The following FAM151B variants were observed in gnomAD, a reference collection of about 807,000 sequenced individuals.
FAM151B encodes the protein protein FAM151B.
Under a neutral mutation model 31.2 loss-of-function variants are expected in FAM151B, and 24 were observed. The ratio of observed to expected loss-of-function variants is 0.77; its 90% CI spans 0.56 to 1.08. The LOEUF is 1.08. Among genes scored for constraint, FAM151B ranks in the 50% least tolerant of loss-of-function variants. FAM151B has a pLI of 0.00. For missense variants in FAM151B, 293 were observed against 328.6 expected (o/e 0.89, Z 0.84); for synonymous variants, 105 against 111.4 (o/e 0.94, Z 0.36).
intron 1 of FAM151B, among the ~76,000 whole-genome samples, chr5:80,490,501 G>A (rs1352938883): frequency 6.6e-6 from 1 of 152,160 alleles, no homozygotes; most frequent in African/African-American, 2.4e-5. Context: ...CTTATTCACA[G>A]ACTTGTGCAA....
intron 1 of FAM151B, chr5:80,500,824 C>T (rs1010697809): frequency 1.6e-5 from 24 of 1,461,270 alleles, no homozygotes; most frequent in Middle Eastern, 2.2e-4. Context: ...CAATAAGAAG[C>T]GAATTGCTTT....
chr5:80,488,533 A>G (rs1219147549), intron 1 of FAM151B, among the ~76,000 whole-genome samples: 1 of 152,218 alleles, frequency 6.6e-6, no homozygotes, highest in Non-Finnish European at 1.5e-5. Context: ...GGGAATGCGG[A>G]CTGGGCCGGG....
At chr5:80,489,709 G>A (rs973814015) in intron 1 of FAM151B, among the ~76,000 whole-genome samples, 4 of 152,296 alleles carry the variant, frequency 2.6e-5, no homozygotes, top group African/African-American at 9.6e-5. Context: ...CGGATCACGA[G>A]GTCAGGAGAT....
chr5:80,488,610 C>A (rs1743201333), intron 1 of FAM151B, among the ~76,000 whole-genome samples: 1 of 152,204 alleles, frequency 6.6e-6, no homozygotes. Context: ...TCGCTTGATT[C>A]CCCTTGGAAT....
At chr5:80,501,946 CT>C (rs1561362888) in intron 2 of FAM151B, 29 bp downstream of exon 2, 1 of 1,521,360 alleles carries the variant, frequency 6.6e-7, no homozygotes, top group Non-Finnish European at 8.9e-7. Context: ...TTGTAATTTA[CT>C]TTGGATAATA....
At chr5:80,494,476 C>CTTTCTTTA (rs1561359246) in intron 1 of FAM151B, among the ~76,000 whole-genome samples, 25 of 126,558 alleles carry the variant, frequency 2.0e-4, no homozygotes, top group African/African-American at 7.3e-4. Flanking sequence ...TTCTTTCTTT[C>CTTTCTTTA]TTTCTTTCTT....
At chr5:80,488,284 T>C in intron 1 of FAM151B, 136 bp downstream of exon 1, 3 of 1,165,680 alleles carry the variant, frequency 2.6e-6, no homozygotes, top group Non-Finnish European at 3.5e-6. Flanking sequence ...ACCGGGCGGC[T>C]GGGCTTGGAG....
chr5:80,526,784 G>C (rs1276301924), intron 5 of FAM151B, among the ~76,000 whole-genome samples: 2 of 152,044 alleles, frequency 1.3e-5, no homozygotes, highest in African/African-American at 4.8e-5. Context: ...ATTATCAGTA[G>C]GGGTGATTTG....
At chr5:80,500,390 A>G in intron 1 of FAM151B, 2 of 1,229,278 alleles carry the variant, frequency 1.6e-6, no homozygotes, top group Non-Finnish European at 2.4e-6. Context: ...CCTTAAGAAA[A>G]AGCAAGGGAA....
intron 5 of FAM151B, among the ~76,000 whole-genome samples, chr5:80,526,753 T>A (rs1025341599): frequency 5.9e-5 from 9 of 152,200 alleles, no homozygotes; most frequent in Non-Finnish European, 1.3e-4. Flanking sequence ...TTAATACCTC[T>A]AGAATAGTGA....
intron 5 of FAM151B, among the ~76,000 whole-genome samples, chr5:80,528,957 T>C (rs1745100762): frequency 1.3e-5 from 2 of 152,122 alleles, no homozygotes; most frequent in Admixed American, 1.3e-4. Flanking sequence ...CCACATCGCA[T>C]TTATTCCAAA....
intron 2 of FAM151B, among the ~76,000 whole-genome samples, chr5:80,509,257 G>A (rs1015850258): frequency 6.6e-6 from 1 of 152,048 alleles, no homozygotes; most frequent in African/African-American, 2.4e-5. Context: ...GGGATTACAG[G>A]AGTAAGCCAC....
chr5:80,493,903 C>G (rs1473080778), intron 1 of FAM151B, among the ~76,000 whole-genome samples: 4 of 152,136 alleles, frequency 2.6e-5, no homozygotes, highest in Non-Finnish European at 4.4e-5. Flanking sequence ...TGTTCATACA[C>G]CCCCTCCCCT....
chr5:80,515,846 G>T (rs113603407), intron 3 of FAM151B, among the ~76,000 whole-genome samples: 323 of 152,258 alleles, frequency 2.1e-3, no homozygotes, highest in African/African-American at 7.4e-3. Flanking sequence ...AGGGGCTGAG[G>T]AGCCCGCTTG....
chr5:80,490,960 C>A (rs554984669), intron 1 of FAM151B, among the ~76,000 whole-genome samples: 2 of 152,120 alleles, frequency 1.3e-5, no homozygotes, highest in Admixed American at 6.6e-5. Flanking sequence ...CTGGAAGGAA[C>A]CTTAATGATT....
intron 3 of FAM151B, among the ~76,000 whole-genome samples, chr5:80,514,497 T>TAAA (rs974200649): frequency 2.5e-4 from 37 of 147,886 alleles, no homozygotes; most frequent in South Asian, 1.9e-3. Flanking sequence ...ATAATAATAA[T>TAAA]AATAATAATA....
intron 2 of FAM151B, among the ~76,000 whole-genome samples, chr5:80,502,515 A>G (rs921599705): frequency 6.6e-6 from 1 of 152,214 alleles, no homozygotes; most frequent in Admixed American, 6.5e-5. Flanking sequence ...TGCCTAAGCT[A>G]GAAATCAAGT....
intron 3 of FAM151B, among the ~76,000 whole-genome samples, chr5:80,518,560 G>A (rs1744566043): frequency 6.6e-6 from 1 of 152,114 alleles, no homozygotes; most frequent in Admixed American, 6.5e-5. Context: ...CCAGCATTAA[G>A]GTTTATTAAT....
At chr5:80,492,967 A>G (rs1358747576) in intron 1 of FAM151B, among the ~76,000 whole-genome samples, 6 of 152,202 alleles carry the variant, frequency 3.9e-5, no homozygotes, top group African/African-American at 1.4e-4. Flanking sequence ...AAAAACAAAA[A>G]CAAAATCAAA....
Sources: gnomAD v4.1 joint callset for allele counts (sites outside exome capture counted in the v4.1 genomes callset) on GRCh38, gnomAD v4.1.1 for gene constraint, MANE v1.5 for transcripts, NCBI Gene and HGNC (gene_info 2026-07-23, HGNC 2026-07-21) for gene names.